The following UBASH3B variants were observed in gnomAD, a reference collection of about 807,000 sequenced individuals.
UBASH3B encodes the protein ubiquitin associated and SH3 domain containing B, also known as ubiquitin-associated and SH3 domain-containing protein B.
In UBASH3B, 37 loss-of-function variants were observed where a neutral mutation model predicts 83.4. That is an observed-to-expected ratio of 0.44 (90% CI 0.34 to 0.58). The LOEUF (loss-of-function observed/expected upper bound fraction) is 0.58. Ranked by LOEUF, UBASH3B falls within the 20% of genes least tolerant of loss-of-function variation. The pLI is 0.01. For synonymous variants in UBASH3B, 304 were observed against 318.3 expected (o/e 0.96, Z 0.48); for missense variants, 657 against 827.2 (o/e 0.79, Z 2.52).
intron 1 of UBASH3B, among the ~76,000 whole-genome samples, chr11:122,661,873 AC>A (rs368899991): frequency 5.1e-4 from 75 of 146,386 alleles, no homozygotes; most frequent in Admixed American, 2.7e-3. Context: ...AAAAAAAAAA[AC>A]AAAAAAAAAA....
At chr11:122,779,264 C>T in intron 3 of UBASH3B, 1 of 580,000 alleles carries the variant, frequency 1.7e-6, no homozygotes, top group South Asian at 2.0e-5. Context: ...CACTTCACAG[C>T]AAGGAAAGGA....
chr11:122,789,670 G>A (rs117220480), intron 6 of UBASH3B, among the ~76,000 whole-genome samples: 5,020 of 152,202 alleles, frequency 0.033, 122 homozygotes, highest in Non-Finnish European at 0.052. Context: ...CTGATTTCCC[G>A]AAGCAGCTGG....
intron 1 of UBASH3B, among the ~76,000 whole-genome samples, chr11:122,768,524 G>C (rs1231137749): frequency 7.6e-6 from 1 of 131,076 alleles, no homozygotes; most frequent in Non-Finnish European, 1.7e-5. Context: ...ATATATATTT[G>C]AGACTGAGCC....
At chr11:122,697,781 A>G (rs917955460) in intron 1 of UBASH3B, among the ~76,000 whole-genome samples, 3 of 152,190 alleles carry the variant, frequency 2.0e-5, no homozygotes, top group African/African-American at 7.2e-5. Context: ...GCGTTGCACC[A>G]TAGATACATG....
At chr11:122,678,121 C>T (rs1863691278) in intron 1 of UBASH3B, among the ~76,000 whole-genome samples, 1 of 152,230 alleles carries the variant, frequency 6.6e-6, no homozygotes, top group South Asian at 2.1e-4. Context: ...ATGAACTTGT[C>T]TAACCCTAAT....
At chr11:122,741,628 GC>G (rs1217700304) in intron 1 of UBASH3B, among the ~76,000 whole-genome samples, 1 of 152,114 alleles carries the variant, frequency 6.6e-6, no homozygotes, top group Non-Finnish European at 1.5e-5. Context: ...GCGTTATGAG[GC>G]CCCGTGATGC....
chr11:122,725,328 C>CAAAAAAAAAAAAA (rs527272428), intron 1 of UBASH3B, among the ~76,000 whole-genome samples: 9 of 87,860 alleles, frequency 1.0e-4, no homozygotes, highest in Non-Finnish European at 1.7e-4. Context: ...GCACCATAAA[C>CAAAAAAAAAAAAA]AAAAAAAAAA....
intron 1 of UBASH3B, among the ~76,000 whole-genome samples, chr11:122,669,214 T>C (rs1031281694): frequency 2.6e-5 from 4 of 152,222 alleles, no homozygotes; most frequent in African/African-American, 9.6e-5. Flanking sequence ...ATGCATATCA[T>C]AGGCTAACGT....
rs117282053 is a variant in UBASH3B, at chr11:122,733,424, A to T, written c.162-42795A>T. ...CTTAACATCAACAAGTATGTCAACGATAAGTCACTAGAAACAAATCCCAGC... is the reference window on the plus strand; with the variant it reads ...CTTAACATCAACAAGTATGTCAACGTTAAGTCACTAGAAACAAATCCCAGC... On this transcript the variant is annotated intron_variant, in intron 1 of 13. Coordinates refer to ENST00000284273, the MANE Select transcript of UBASH3B (RefSeq NM_032873.5). 1.6e-3 allele frequency among the ~76,000 whole-genome samples: 241 copies of T among 152,372 alleles called. 1 individual carries two copies. Among genetic ancestry groups the T allele is most frequent in the Non-Finnish European group, 2.3e-3 (157 of 68,044 alleles).
intron 1 of UBASH3B, among the ~76,000 whole-genome samples, chr11:122,722,990 C>A (rs1172838751): frequency 6.6e-6 from 1 of 152,204 alleles, no homozygotes; most frequent in African/African-American, 2.4e-5. Flanking sequence ...CAGGCGTGAG[C>A]CACCGCGCCC....
At chr11:122,686,929 G>A (rs1415609247) in intron 1 of UBASH3B, among the ~76,000 whole-genome samples, 1 of 151,432 alleles carries the variant, frequency 6.6e-6, no homozygotes, top group Admixed American at 6.6e-5. Flanking sequence ...GTACAGTGGT[G>A]CGGTCTGGGC....
chr11:122,663,764 G>C (rs1863479127), intron 1 of UBASH3B, among the ~76,000 whole-genome samples: 1 of 152,212 alleles, frequency 6.6e-6, no homozygotes, highest in Non-Finnish European at 1.5e-5. Flanking sequence ...GTCTGAACTT[G>C]TGGCAGCCTG....
At chr11:122,766,833 G>T (rs1860550343) in intron 1 of UBASH3B, among the ~76,000 whole-genome samples, 1 of 152,256 alleles carries the variant, frequency 6.6e-6, no homozygotes, top group Admixed American at 6.5e-5. Context: ...GCATGCATTT[G>T]CATGGGCATA....
chr11:122,715,934 T>C (rs1372556709), intron 1 of UBASH3B, among the ~76,000 whole-genome samples: 1 of 152,228 alleles, frequency 6.6e-6, no homozygotes, highest in Non-Finnish European at 1.5e-5. Flanking sequence ...AAAATTACAT[T>C]TTCCTGTCAT....
At chr11:122,671,049 C>T (rs1037249781) in intron 1 of UBASH3B, among the ~76,000 whole-genome samples, 3 of 152,066 alleles carry the variant, frequency 2.0e-5, no homozygotes, top group African/African-American at 7.2e-5. Flanking sequence ...AAGCGTGAGC[C>T]ACCACACCCT....
rs566429044 is a variant in UBASH3B, at chr11:122,744,816, TTATA to T, written c.162-31399_162-31396del. Among the ~76,000 whole-genome samples the T allele has an allele frequency of 8.6e-5, 13 of 150,878 alleles. No homozygotes were observed. The South Asian group carries it at 2.3e-3, about 27-fold the overall frequency. ...TGTGTGACTGTGTGATCGTGTGTGA[TTATA>T]TATGTGTGTGGCCAGGGGAGAATGT... On this transcript the variant is annotated intron_variant, in intron 1 of 13. Transcript: ENST00000284273.
intron 6 of UBASH3B, among the ~76,000 whole-genome samples, chr11:122,791,084 T>A (rs1403043627): frequency 6.6e-6 from 1 of 152,236 alleles, no homozygotes; most frequent in Non-Finnish European, 1.5e-5. Context: ...GGTCAGTGCG[T>A]CCCAGGGAGG....
intron 1 of UBASH3B, among the ~76,000 whole-genome samples, chr11:122,756,979 G>A (rs534507240): frequency 5.3e-5 from 8 of 152,328 alleles, no homozygotes; most frequent in Admixed American, 1.3e-4. Context: ...CATCTGTAAC[G>A]TGAGAGGATT....
chr11:122,703,636 G>A (rs2135930733), intron 1 of UBASH3B, among the ~76,000 whole-genome samples: 1 of 152,278 alleles, frequency 6.6e-6, no homozygotes, highest in Middle Eastern at 3.4e-3. Flanking sequence ...GTGAATAAGT[G>A]GGATTGTCTG....
Sources: allele counts gnomAD v4.1 joint callset (sites outside exome capture counted in the v4.1 genomes callset), GRCh38; gene constraint gnomAD v4.1.1; transcripts MANE v1.5; gene names NCBI Gene and HGNC (gene_info 2026-07-23, HGNC 2026-07-21).